Variants in ARHGAP42 observed in about 807,000 individuals in gnomAD.
ARHGAP42 encodes rho GTPase-activating protein 42.
Under a neutral mutation model 125.0 loss-of-function variants are expected in ARHGAP42, and 63 were observed. The ratio of observed to expected loss-of-function variants is 0.50; its 90% CI spans 0.41 to 0.62. The LOEUF (loss-of-function observed/expected upper bound fraction) is 0.62, where lower values mean the gene tolerates loss of function less well. Among genes scored for constraint, ARHGAP42 ranks in the 20% least tolerant of loss-of-function variants. The pLI is 0.00. For missense variants in ARHGAP42, 766 were observed against 1,024.2 expected, an observed-to-expected ratio of 0.75 and a Z score of 3.44; for synonymous variants, 339 against 351.0, an observed-to-expected ratio of 0.97 and a Z score of 0.38.
At chr11:100,822,308 C>T (rs1565228953) in intron 3 of ARHGAP42, among the ~76,000 whole-genome samples, 2 of 151,740 alleles carry the variant, frequency 1.3e-5, no homozygotes, top group Admixed American at 6.6e-5. Context: ...TATTTTTCAA[C>T]GTTAAAAAAA....
chr11:100,950,270 AT>A (rs201198277), intron 12 of ARHGAP42, among the ~76,000 whole-genome samples: 7,330 of 141,696 alleles, frequency 0.052, 316 homozygotes, highest in East Asian at 0.25. Context: ...ATTATATTAT[AT>A]TTTTATTATA....
At chr11:100,909,577 C>T (rs1866853821) in intron 4 of ARHGAP42, among the ~76,000 whole-genome samples, 1 of 152,080 alleles carries the variant, frequency 6.6e-6, no homozygotes, top group African/African-American at 2.4e-5. Flanking sequence ...CTCCTGACCT[C>T]GGACGATCCA....
chr11:100,973,504 G>A (rs1858308598), intron 18 of ARHGAP42, among the ~76,000 whole-genome samples, 170 bp downstream of exon 18: 1 of 152,062 alleles, frequency 6.6e-6, no homozygotes, highest in Non-Finnish European at 1.5e-5. Context: ...TCAGTTAGGT[G>A]GTTTTCTTTC....
In ARHGAP42 at chr11:100,959,928, A is replaced by C. The variant is rs1187325904; in HGVS notation, c.1208A>C (p.Gln403Pro). The C allele has an allele frequency of 1.9e-6, 3 of 1,551,444 alleles. No homozygotes were observed. The highest frequency in any genetic ancestry group is 2.6e-6 in the Non-Finnish European group (3 of 1,146,572). The change falls in exon 13 of 24, where the codon CAA (glutamine) becomes CCA (proline). Residue 403 changes from glutamine (Q) to proline (P), a missense_variant. Physicochemically the swap from Gln to Pro is moderately conservative, Grantham distance 76. This residue lies in a region of ARHGAP42 where 455 missense variants were observed against 636.5 expected (regional missense o/e 0.71). Transcript: ENST00000298815. ...TTCAACTTTGTGAGAAAATGCATTC[A>C]AGCTGTGGAAACAAGAGGTCAGTGT... ...AGFNFVRKCIQAVETRGITIL... is the reference protein window; with the variant it reads ...AGFNFVRKCIPAVETRGITIL...
chr11:100,901,072 T>C (rs1285858602), intron 4 of ARHGAP42, among the ~76,000 whole-genome samples: 1 of 152,204 alleles, frequency 6.6e-6, no homozygotes, highest in Admixed American at 6.5e-5. Context: ...AGATGGGTTT[T>C]TGGTGTGGAC....
At chr11:100,968,889 A>G (rs564113108) in intron 17 of ARHGAP42, among the ~76,000 whole-genome samples, 1 of 151,850 alleles carries the variant, frequency 6.6e-6, no homozygotes, top group Admixed American at 6.6e-5. Flanking sequence ...AGAAATATAT[A>G]TTTCTACTCT....
chr11:100,984,148 A>G (rs1258776998), intron 22 of ARHGAP42, among the ~76,000 whole-genome samples: 1 of 151,854 alleles, frequency 6.6e-6, no homozygotes, highest in Non-Finnish European at 1.5e-5. Flanking sequence ...AGAAAAAAAA[A>G]TCTCCAATTA....
intron 1 of ARHGAP42, among the ~76,000 whole-genome samples, chr11:100,732,216 C>T (rs1382375017): frequency 6.6e-6 from 1 of 152,134 alleles, no homozygotes; most frequent in Non-Finnish European, 1.5e-5. Flanking sequence ...ATCAGCCTCC[C>T]AAAGTGCTGG....
In ARHGAP42 at chr11:100,810,589, G is replaced by GA. The variant is rs35931058; in HGVS notation, c.312+15431dup. 8.6e-3 allele frequency among the ~76,000 whole-genome samples: 1,301 copies of GA among 152,000 alleles called. 17 individuals are homozygous for GA. The highest frequency in any genetic ancestry group is 0.029 in the African/African-American group (1,187 of 41,478). On this transcript the variant is annotated intron_variant, in intron 3 of 23. Coordinates refer to ENST00000298815, the MANE Select transcript of ARHGAP42 (RefSeq NM_152432.4). ...ATAACCATATCTAACTGCCTTGGTG[G>GA]AAAAAAAACTGTGCTACGTAGTAGT... is the stretch of plus-strand genomic sequence containing the variant.
intron 2 of ARHGAP42, among the ~76,000 whole-genome samples, chr11:100,779,515 TATACGTATAC>T (rs1210498984): frequency 1.4e-5 from 2 of 142,174 alleles, no homozygotes; most frequent in African/African-American, 5.1e-5. Flanking sequence ...CACGTATATA[TATACGTATAC>T]ATGCGTATAT....
In ARHGAP42 at chr11:100,976,825, C is replaced by G; in HGVS notation, c.2247C>G (p.Ser749Arg). Residue 749 changes from serine to arginine, a missense_variant, in exon 21 of 24, where the codon AGC becomes AGG. By Grantham distance (110) the Ser-to-Arg change is moderately radical. Coordinates refer to ENST00000298815, the MANE Select transcript of ARHGAP42 (RefSeq NM_152432.4). ...GGGCTTTCTTTTTAGGAAACAAGAGCTACAGTGGATCTATTCAAAGCTTAA... is the reference window on the plus strand; with the variant it reads ...GGGCTTTCTTTTTAGGAAACAAGAGGTACAGTGGATCTATTCAAAGCTTAA... ...RSISAAEGNK[S>R]YSGSIQSLTS... The G allele has an allele frequency of 6.5e-7, 1 of 1,550,314 alleles. No homozygotes were observed. The highest frequency in any genetic ancestry group is 2.4e-5 in the East Asian group (1 of 40,906).
chr11:100,900,962 A>G (rs2407825), intron 4 of ARHGAP42, among the ~76,000 whole-genome samples: 41,974 of 151,878 alleles, frequency 0.28, 7,149 homozygotes, highest in East Asian at 0.75. Flanking sequence ...TTTGGAAGAG[A>G]AGAGGTGGTC....
intron 1 of ARHGAP42, among the ~76,000 whole-genome samples, chr11:100,731,974 G>C (rs1861966952): frequency 6.8e-6 from 1 of 147,284 alleles, no homozygotes; most frequent in South Asian, 2.1e-4. Flanking sequence ...TTTTTTTTGA[G>C]ATGGAGTTTC....
rs1308935955 is a variant in ARHGAP42, at chr11:100,855,910, G to GTAATTATAAGTTAATTGTTTCT, written c.313-3637_313-3616dup. On this transcript the variant is annotated intron_variant, in intron 3 of 23. Transcript: ENST00000298815. ...AAAGCCAAGGTTTAGGTAATGGCTA[G>GTAATTATAAGTTAATTGTTTCT]TAATTATAAGTTAATTGTTTCTTAA... 2.6e-5 allele frequency among the ~76,000 whole-genome samples: 4 copies of GTAATTATAAGTTAATTGTTTCT among 152,206 alleles called. No individual in the cohort carries two copies. The East Asian group carries it at 7.7e-4, about 29-fold the overall frequency.
At chr11:100,837,680 T>A (rs1565235533) in intron 3 of ARHGAP42, among the ~76,000 whole-genome samples, 1 of 139,870 alleles carries the variant, frequency 7.1e-6, no homozygotes, top group African/African-American at 2.7e-5. Context: ...TTTTTTTTTT[T>A]TTTTTTTTTT....
chr11:100,821,775 T>A (rs1864411100), intron 3 of ARHGAP42, among the ~76,000 whole-genome samples: 1 of 152,154 alleles, frequency 6.6e-6, no homozygotes, highest in Non-Finnish European at 1.5e-5. Context: ...TTCCTTCCAA[T>A]GCAGTTTGAA....
chr11:100,967,717 C>A (rs892568459), intron 17 of ARHGAP42, among the ~76,000 whole-genome samples: 10 of 151,948 alleles, frequency 6.6e-5, no homozygotes, highest in African/African-American at 2.4e-4. Context: ...GTTAGACTGA[C>A]CCTTTTCTTT....
At chr11:100,886,780 A>G (rs55946805) in intron 4 of ARHGAP42, among the ~76,000 whole-genome samples, 10 of 152,342 alleles carry the variant, frequency 6.6e-5, no homozygotes, top group African/African-American at 1.2e-4. Context: ...CAAGATTCCA[A>G]TAGCCATTTA....
Position 100,961,707 on chromosome 11 carries a change from G to T in ARHGAP42, c.1324G>T (p.Asp442Tyr). Residue 442 changes from aspartate (D) to tyrosine (Y), a missense_variant, in exon 15 of 24, where the codon GAT becomes TAT. Asp to Tyr is a radical substitution (Grantham distance 160). This residue lies in a region of ARHGAP42 where 455 missense variants were observed against 636.5 expected (regional missense o/e 0.71). Coordinates refer to ENST00000298815, the MANE Select transcript of ARHGAP42 (RefSeq NM_152432.4). Reference protein sequence around the residue: ...TFSPKSPPDIDIDIELWDNKT... With the variant: ...TFSPKSPPDIYIDIELWDNKT... ...AGCTCCTAAATCCCCTCCTGATATT[G>T]ATATTGATATTGAACTGTGGGACAA... The T allele has an allele frequency of 1.3e-6, 2 of 1,551,452 alleles. No individual in the cohort carries two copies. Among genetic ancestry groups the T allele is most frequent in the East Asian group, 2.4e-5 (1 of 40,884 alleles).
Sources: gnomAD v4.1 joint callset for allele counts (sites outside exome capture counted in the v4.1 genomes callset) on GRCh38, gnomAD v4.1.1 for gene constraint, gnomAD v4.1.1 regional missense constraint, MANE v1.5 for transcripts, NCBI Gene and HGNC (gene_info 2026-07-23, HGNC 2026-07-21) for gene names.